The following IMPG2 variants were observed in gnomAD, a reference collection of about 807,000 sequenced individuals.
IMPG2 encodes the protein interphotoreceptor matrix proteoglycan 2, also known as IPM 200.
Under a neutral mutation model 129.2 loss-of-function variants are expected in IMPG2, and 91 were observed. The observed-to-expected ratio is 0.70, with a 90% CI of 0.59 to 0.84. IMPG2 has a LOEUF of 0.84. Among genes scored for constraint, IMPG2 ranks in the 40% least tolerant of loss-of-function variants. The probability of loss-of-function intolerance (pLI) is 0.00; values close to 1 mark genes in which losing one functional copy is unlikely to be tolerated. For missense variants in IMPG2, 1,430 were observed against 1,461.7 expected (o/e 0.98, Z 0.35); for synonymous variants, 510 against 517.7 (o/e 0.99, Z 0.20).
At chr3:101,299,717 T>A (rs1707119991) in intron 3 of IMPG2, among the ~76,000 whole-genome samples, 1 of 152,118 alleles carries the variant, frequency 6.6e-6, no homozygotes, top group African/African-American at 2.4e-5. Flanking sequence ...TCTGGTTCAT[T>A]CCCATGCCTG....
intron 3 of IMPG2, 52 bp from the exon 4 acceptor site, chr3:101,291,562 A>C (rs1250432677): frequency 1.4e-6 from 2 of 1,413,848 alleles, no homozygotes; most frequent in Non-Finnish European, 2.0e-6. Flanking sequence ...GTTATTAAGG[A>C]GTAAATAAAA....
At chr3:101,234,518 G>A (rs148611970) in intron 14 of IMPG2, among the ~76,000 whole-genome samples, 27 of 152,230 alleles carry the variant, frequency 1.8e-4, no homozygotes, top group African/African-American at 5.1e-4. Context: ...AACTAATACA[G>A]GGGACCACTG....
intron 4 of IMPG2, among the ~76,000 whole-genome samples, chr3:101,282,777 C>T (rs1304729355): frequency 6.6e-6 from 1 of 152,144 alleles, no homozygotes; most frequent in Non-Finnish European, 1.5e-5. Context: ...CTTCCAGCTA[C>T]CTTAGTTCAC....
chr3:101,229,138 C>CAA (rs36091939), intron 17 of IMPG2, among the ~76,000 whole-genome samples: 13 of 132,938 alleles, frequency 9.8e-5, no homozygotes, highest in African/African-American at 2.7e-4. Flanking sequence ...GTTAATAACG[C>CAA]AAAAAAAAAA....
At chr3:101,285,254 GC>G (rs1706932216) in intron 4 of IMPG2, among the ~76,000 whole-genome samples, 1 of 152,146 alleles carries the variant, frequency 6.6e-6, no homozygotes, top group Non-Finnish European at 1.5e-5. Flanking sequence ...GTCCATCTTT[GC>G]CCCAAGAGTA....
At chr3:101,316,717 G>A (rs956777338) in intron 2 of IMPG2, among the ~76,000 whole-genome samples, 4 of 152,168 alleles carry the variant, frequency 2.6e-5, no homozygotes, top group South Asian at 2.1e-4. Context: ...TACCTATCAC[G>A]TGACCCAGAC....
intron 11 of IMPG2, among the ~76,000 whole-genome samples, chr3:101,252,111 C>A (rs1004518518): frequency 6.6e-6 from 1 of 151,994 alleles, no homozygotes; most frequent in Non-Finnish European, 1.5e-5. Context: ...TTGGTGCTTG[C>A]CATCATTAAG....
At chr3:101,279,012 G>C (rs916561490) in intron 4 of IMPG2, among the ~76,000 whole-genome samples, 23 of 152,114 alleles carry the variant, frequency 1.5e-4, no homozygotes, top group African/African-American at 5.6e-4. Context: ...AATCAGGCCT[G>C]AATAGGGTCC....
chr3:101,229,306 A>ACCCCCCCCCCCCCGGGGGCCCCCCC, intron 17 of IMPG2, 74 bp downstream of exon 17: 1 of 362,594 alleles, frequency 2.8e-6, no homozygotes, highest in Non-Finnish European at 5.5e-6. Context: ...ACACACCCCC[A>ACCCCCCCCCCCCCGGGGGCCCCCCC]CCCACCACCC....
chr3:101,232,923 T>C lies in IMPG2; in HGVS notation c.3091A>G (p.Ser1031Gly). ...EFSECLVNPW[S>G]GEAKCRCFPG... ...AAGCATCTGCACTTTGCTTCTCCAC[T>C]CCAGGGGTTGACCAGACACTCTGAA... Residue 1031 changes from serine (S) to glycine (G), a missense_variant, in exon 15 of 19, where the codon AGT (serine) becomes GGT (glycine). Physicochemically the swap from Ser to Gly is moderately conservative, Grantham distance 56. Coordinates refer to ENST00000193391, the MANE Select transcript of IMPG2 (RefSeq NM_016247.4). 1 of 1,613,976 alleles carries C rather than the reference T, an allele frequency of 6.2e-7. No individual in the cohort carries two copies. The highest frequency in any genetic ancestry group is 8.5e-7 in the Non-Finnish European group (1 of 1,179,996).
At chr3:101,267,403 T>C in intron 9 of IMPG2, 108 bp downstream of exon 9, 9 of 934,264 alleles carry the variant, frequency 9.6e-6, no homozygotes, top group Non-Finnish European at 1.6e-5. Context: ...GACAGTGATA[T>C]TGGAAGTGAT....
intron 3 of IMPG2, among the ~76,000 whole-genome samples, chr3:101,296,675 C>G (rs1311796728): frequency 3.4e-5 from 5 of 145,490 alleles, no homozygotes; most frequent in Admixed American, 1.4e-4. Flanking sequence ...TAGAATTCGG[C>G]TGTGAATCCA....
At chr3:101,288,270 A>G (rs987666940) in intron 4 of IMPG2, among the ~76,000 whole-genome samples, 2 of 152,224 alleles carry the variant, frequency 1.3e-5, no homozygotes, top group African/African-American at 2.4e-5. Context: ...AAATGCTTAT[A>G]TACTATTAGT....
Position 101,257,854 on chromosome 3 carries a change from A to T in IMPG2, c.909-81T>A, listed in dbSNP as rs372033091. 57 of 1,490,602 alleles carry T rather than the reference A, an allele frequency of 3.8e-5. No homozygotes were observed. In the South Asian group the frequency reaches 4.1e-4, roughly 11 times the overall value. The allele number at this position is 1,490,602 out of a possible 1,614,324, so 92.3% of individuals were successfully genotyped here. A position where few individuals can be genotyped will look rare whatever the true frequency, so the allele number is the denominator to read the frequency against. Reference sequence around the variant, plus strand: ...AGCATTGAACCCATGAAGAACAAACATTGGACCTAGAGGGGGAGTCTCAAA... The same window carrying T: ...AGCATTGAACCCATGAAGAACAAACTTTGGACCTAGAGGGGGAGTCTCAAA... On this transcript the variant is annotated intron_variant, in intron 9 of 18. Coordinates refer to ENST00000193391, the MANE Select transcript of IMPG2 (RefSeq NM_016247.4).
intron 7 of IMPG2, among the ~76,000 whole-genome samples, chr3:101,270,482 G>A (rs1313695637): frequency 6.6e-6 from 1 of 152,116 alleles, no homozygotes; most frequent in Non-Finnish European, 1.5e-5. Context: ...TTAAAATCTA[G>A]CCATGTAACT....
At chr3:101,286,629 T>C (rs1706948706) in intron 4 of IMPG2, among the ~76,000 whole-genome samples, 1 of 152,230 alleles carries the variant, frequency 6.6e-6, no homozygotes, top group African/African-American at 2.4e-5. Flanking sequence ...ACTCACACTA[T>C]ATATGCCTCG....
chr3:101,226,916 A>C lies in IMPG2; in HGVS notation c.*53T>G. ...GGTTAATTATATGACATAAGTAACA[A>C]GTAATCTCCATCTTCTCCAGGCTTC... On this transcript the variant is annotated 3_prime_UTR_variant, in exon 19 of 19. Coordinates refer to ENST00000193391, the MANE Select transcript of IMPG2 (RefSeq NM_016247.4). 1 of 1,579,384 alleles carries C rather than the reference A, an allele frequency of 6.3e-7. No individual in the cohort carries two copies. Among genetic ancestry groups the C allele is most frequent in the Non-Finnish European group, 8.7e-7 (1 of 1,148,930 alleles).
chr3:101,285,454 G>T (rs1339529503), intron 4 of IMPG2, among the ~76,000 whole-genome samples: 1 of 152,114 alleles, frequency 6.6e-6, no homozygotes, highest in Non-Finnish European at 1.5e-5. Context: ...TGAGAAACAG[G>T]TATTTTTATT....
In IMPG2 at chr3:101,242,879, G is replaced by A. The variant is rs202022113; in HGVS notation, c.2831C>T (p.Thr944Met). 5.9e-5 allele frequency: 96 copies of A among 1,613,928 alleles called. No homozygotes were observed. Among genetic ancestry groups the A allele is most frequent in the African/African-American group, 1.5e-4 (11 of 75,022 alleles). ...LLVPYLQSNL[T>M]GFQNLEILNF... ...GAGGATTTCTAAGTTCTGGAACCCC[G>A]TGAGATTTGACTGGAGATAGGGAAC... The change falls in exon 14 of 19, where the codon ACG becomes ATG. Residue 944 changes from threonine to methionine, a missense_variant. Physicochemically the swap from Thr to Met is moderately conservative, Grantham distance 81. Transcript: ENST00000193391.
Sources: allele counts gnomAD v4.1 joint callset (sites outside exome capture counted in the v4.1 genomes callset), GRCh38; gene constraint gnomAD v4.1.1; transcripts MANE v1.5; gene names NCBI Gene and HGNC (gene_info 2026-07-23, HGNC 2026-07-21).